SLC20A2: variants seen among roughly 807,000 people sequenced by gnomAD.
The protein encoded by SLC20A2 is sodium-dependent phosphate transporter 2.
Under a neutral mutation model 61.0 loss-of-function variants are expected in SLC20A2, and 30 were observed. That is an observed-to-expected ratio of 0.49 (90% CI 0.37 to 0.67). The LOEUF (loss-of-function observed/expected upper bound fraction) is 0.67. Among genes scored for constraint, SLC20A2 ranks in the 30% least tolerant of loss-of-function variants. The probability of loss-of-function intolerance (pLI) is 0.00; values close to 1 mark genes in which losing one functional copy is unlikely to be tolerated. For missense variants in SLC20A2, 626 were observed against 866.4 expected (o/e 0.72, Z 3.48); for synonymous variants, 351 against 353.3 (o/e 0.99, Z 0.07).
chr8:42,421,684 AT>A (rs1803050866), intron 10 of SLC20A2, among the ~76,000 whole-genome samples: 1 of 152,172 alleles, frequency 6.6e-6, no homozygotes, highest in Admixed American at 6.5e-5. Context: ...CACACCTGTA[AT>A]CCCAGCTACT....
At chr8:42,433,260 C>T (rs1293496060) in intron 8 of SLC20A2, among the ~76,000 whole-genome samples, 2 of 152,194 alleles carry the variant, frequency 1.3e-5, no homozygotes, top group East Asian at 3.8e-4. Context: ...TGGCAACCAC[C>T]ATCCTACTTT....
intron 1 of SLC20A2, among the ~76,000 whole-genome samples, chr8:42,485,776 T>C (rs1257004426): frequency 6.7e-6 from 1 of 148,320 alleles, no homozygotes; most frequent in Non-Finnish European, 1.5e-5. Flanking sequence ...TAAAACCCCA[T>C]CTCTACTGAA....
At chr8:42,420,401 C>T (rs1467998859) in intron 10 of SLC20A2, among the ~76,000 whole-genome samples, 1 of 151,908 alleles carries the variant, frequency 6.6e-6, no homozygotes, top group African/African-American at 2.4e-5. Context: ...GTGATTTATC[C>T]TTGGCTTGAA....
chr8:42,533,654 C>CTTTTTCTCTTTTTTTTTTT (rs1812496566), intron 1 of SLC20A2, among the ~76,000 whole-genome samples: 1 of 55,310 alleles, frequency 1.8e-5, no homozygotes, highest in African/African-American at 8.1e-5. Context: ...ATCAACTGTT[C>CTTTTTCTCTTTTTTTTTTT]TTTTTTTTTT....
intron 1 of SLC20A2, among the ~76,000 whole-genome samples, chr8:42,506,657 A>G (rs2131363464): frequency 6.6e-6 from 1 of 152,336 alleles, no homozygotes; most frequent in South Asian, 2.1e-4. Context: ...ACTCCTTTGG[A>G]AAACTCTGTA....
intron 1 of SLC20A2, among the ~76,000 whole-genome samples, 186 bp downstream of exon 1, chr8:42,500,845 G>A (rs1185218464): frequency 2.0e-5 from 3 of 152,116 alleles, no homozygotes; most frequent in African/African-American, 7.2e-5. Flanking sequence ...AATTGAATAA[G>A]GCAGATTTAT....
chr8:42,467,114 C>A (rs914135542), intron 2 of SLC20A2, among the ~76,000 whole-genome samples: 1 of 152,132 alleles, frequency 6.6e-6, no homozygotes, highest in African/African-American at 2.4e-5. Flanking sequence ...GCCACTGCAC[C>A]CAGCCCATAC....
rs769648311 is a variant in SLC20A2 at position 42,417,926 on chromosome 8, C to T, written c.1836G>A (p.Lys612=). The part of the protein sequence containing the change: ...VVAVGWIRSR[K]AVDWRLFRNI... ...TCCGAAAGAGGCGCCAGTCCACAGC[C>T]TTGCGGGAGCGGATCCAGCCCACGG... Residue 612 remains lysine (K), a synonymous_variant, in exon 11 of 11, where the codon AAG becomes AAA. Transcript: ENST00000520262. The T allele has an allele frequency of 1.0e-4, 169 of 1,613,816 alleles. No individual in the cohort carries two copies. Among genetic ancestry groups the T allele is most frequent in the Middle Eastern group, 1.6e-4 (1 of 6,068 alleles).
intron 5 of SLC20A2, among the ~76,000 whole-genome samples, chr8:42,447,690 T>A (rs1214339332): frequency 6.6e-6 from 1 of 152,002 alleles, no homozygotes; most frequent in Non-Finnish European, 1.5e-5. Context: ...AGAAAAAAAA[T>A]TTCTTTTTTA....
At chr8:42,428,872 G>A (rs1803629478) in intron 9 of SLC20A2, 30 bp from the exon 10 acceptor site, 1 of 1,536,580 alleles carries the variant, frequency 6.5e-7, no homozygotes, top group Non-Finnish European at 8.8e-7. Flanking sequence ...CACGTCACAG[G>A]TGCCCTCTGT....
chr8:42,533,837 C>T (rs1169300981), intron 1 of SLC20A2, among the ~76,000 whole-genome samples: 1 of 150,058 alleles, frequency 6.7e-6, no homozygotes, highest in Non-Finnish European at 1.5e-5. Context: ...TTTTGTATTT[C>T]TAGTGGAGAC....
chr8:42,469,853 A>G (rs10216931), intron 2 of SLC20A2, among the ~76,000 whole-genome samples: 22,937 of 149,752 alleles, frequency 0.15, 3,942 homozygotes, highest in African/African-American at 0.43. Flanking sequence ...GCTTGAACCC[A>G]GGAGGCAGAG....
chr8:42,463,282 C>G (rs1011982260), intron 3 of SLC20A2, 192 bp from the exon 4 acceptor site: 10 of 469,406 alleles, frequency 2.1e-5, no homozygotes, highest in African/African-American at 2.0e-4. Flanking sequence ...TATGGCCACA[C>G]TCAGACATCA....
intron 10 of SLC20A2, among the ~76,000 whole-genome samples, chr8:42,427,781 A>G (rs1803524348): frequency 6.6e-6 from 1 of 152,184 alleles, no homozygotes; most frequent in African/African-American, 2.4e-5. Context: ...TTGTCTTTTA[A>G]ACATACTGGC....
At chr8:42,523,150 G>A (rs959556576) in intron 1 of SLC20A2, among the ~76,000 whole-genome samples, 25 of 152,238 alleles carry the variant, frequency 1.6e-4, no homozygotes, top group African/African-American at 6.0e-4. Context: ...GGCCAATATG[G>A]TGAAACCCCG....
intron 1 of SLC20A2, among the ~76,000 whole-genome samples, chr8:42,477,909 C>T (rs796557134): frequency 1.2e-4 from 18 of 149,852 alleles, no homozygotes; most frequent in African/African-American, 3.8e-4. Context: ...TTTTTTGAGA[C>T]GGAGCCTCAC....
At chr8:42,499,627 T>C (rs914737722) in intron 1 of SLC20A2, among the ~76,000 whole-genome samples, 1 of 152,204 alleles carries the variant, frequency 6.6e-6, no homozygotes, top group Admixed American at 6.5e-5. Flanking sequence ...TGAAAACTAA[T>C]ACCCAACTAC....
chr8:42,447,425 C>T (rs1027615033), intron 5 of SLC20A2, among the ~76,000 whole-genome samples: 7 of 151,850 alleles, frequency 4.6e-5, no homozygotes, highest in Non-Finnish European at 7.4e-5. Flanking sequence ...TGCCTGTAAT[C>T]CCAGCACTTT....
chr8:42,519,127 C>T (rs551063397), intron 1 of SLC20A2, among the ~76,000 whole-genome samples: 2 of 152,244 alleles, frequency 1.3e-5, no homozygotes, highest in Non-Finnish European at 2.9e-5. Context: ...CTTGGCTTAA[C>T]AGAAGTATCA....
Sources: gnomAD v4.1 joint callset for allele counts (sites outside exome capture counted in the v4.1 genomes callset) on GRCh38, gnomAD v4.1.1 for gene constraint, MANE v1.5 for transcripts, NCBI Gene and HGNC (gene_info 2026-07-23, HGNC 2026-07-21) for gene names.